Variants in WDR19 observed in about 807,000 individuals in gnomAD.
The protein encoded by WDR19 is WD repeat domain 19.
Under a neutral mutation model 180.0 loss-of-function variants are expected in WDR19, and 121 were observed. The observed-to-expected ratio is 0.67, with a 90% CI of 0.58 to 0.78. WDR19 has a LOEUF of 0.78. Among genes scored for constraint, WDR19 ranks in the 30% least tolerant of loss-of-function variants. The pLI is 0.00. For synonymous variants in WDR19, 497 were observed against 540.7 expected (o/e 0.92, Z 1.12); for missense variants, 1,450 against 1,640.7 (o/e 0.88, Z 2.01).
intron 1 of WDR19, among the ~76,000 whole-genome samples, chr4:39,184,411 A>T (rs949625585): frequency 2.0e-5 from 3 of 149,932 alleles, no homozygotes; most frequent in African/African-American, 4.9e-5. Context: ...GACGCTGTCT[A>T]AAAAAAAATA....
At chr4:39,266,405 T>C (rs954550516) in intron 29 of WDR19, among the ~76,000 whole-genome samples, 1 of 152,184 alleles carries the variant, frequency 6.6e-6, no homozygotes, top group African/African-American at 2.4e-5. Context: ...AAAAAACTCA[T>C]AATGTTTTAA....
rs149115075 is a variant in WDR19 at position 39,261,057 on chromosome 4, G to C, written c.3183+3503G>C. ...CGCACAGGCTGGAGTGCAGTGGCAC[G>C]ATCTTGGCTCACTGCAAACTCCACC... On this transcript the variant is annotated intron_variant, in intron 28 of 36. Coordinates refer to ENST00000399820, the MANE Select transcript of WDR19 (RefSeq NM_025132.4). 3.4e-3 allele frequency among the ~76,000 whole-genome samples: 510 copies of C among 151,690 alleles called. 2 individuals carry two copies. The highest frequency in any genetic ancestry group is 0.012 in the African/African-American group (480 of 41,364).
In WDR19 at chr4:39,228,565, C is replaced by T. The variant is rs746781982; in HGVS notation, c.1857C>T (p.Thr619=). The T allele has an allele frequency of 3.7e-6, 6 of 1,613,910 alleles. No homozygotes were observed. Among genetic ancestry groups the T allele is most frequent in the African/African-American group, 1.3e-5 (1 of 75,036 alleles). Residue 619 remains threonine (T), a synonymous_variant, in exon 17 of 37, where the codon ACC becomes ACT. Coordinates refer to ENST00000399820, the MANE Select transcript of WDR19 (RefSeq NM_025132.4). The part of the protein sequence containing the change: ...KPLLLYNGEL[T]CQTQSGKVNN... ...TGCTGCTATATAATGGAGAGCTGAC[C>T]TGCCAAACACAGAGTGGAAAAGTAA...
chr4:39,248,923 C>G (rs1732825051), intron 24 of WDR19, among the ~76,000 whole-genome samples: 1 of 152,186 alleles, frequency 6.6e-6, no homozygotes, highest in Non-Finnish European at 1.5e-5. Context: ...TAACACCCCA[C>G]TGTCAACATT....
chr4:39,236,426 A>T (rs1731385791), intron 20 of WDR19, among the ~76,000 whole-genome samples: 1 of 152,164 alleles, frequency 6.6e-6, no homozygotes. Context: ...TCTCACTCAT[A>T]AGTGGGAGCT....
chr4:39,228,806 T>A (rs1328522620), intron 17 of WDR19, 116 bp downstream of exon 17: 13 of 999,078 alleles, frequency 1.3e-5, no homozygotes, highest in Non-Finnish European at 1.5e-5. Flanking sequence ...TTGCAAGAAT[T>A]TTTTTTTTTT....
At chr4:39,284,062 T>C (rs1736871309) in intron 36 of WDR19, among the ~76,000 whole-genome samples, 1 of 152,174 alleles carries the variant, frequency 6.6e-6, no homozygotes, top group African/African-American at 2.4e-5. Flanking sequence ...TTTTAAATTT[T>C]TTTAACTTGG....
Position 39,214,600 on chromosome 4 carries a change from G to A in WDR19, c.891-1G>A, listed in dbSNP as rs1255203893. On this transcript the variant is annotated splice_acceptor_variant, in intron 9 of 36. Coordinates refer to ENST00000399820, the MANE Select transcript of WDR19 (RefSeq NM_025132.4). LOFTEE classifies it high-confidence loss of function. ...TTTAATAATGCATTTTTGTTTTTCA[G>A]CATTAAAATCCAAGACTTGGTTGAC... 17 of 1,530,442 alleles carry A rather than the reference G, an allele frequency of 1.1e-5. No homozygotes were observed. Among genetic ancestry groups the A allele is most frequent in the Non-Finnish European group, 1.4e-5 (16 of 1,121,738 alleles). 94.8% of individuals were successfully genotyped at this position (1,530,442 alleles called of 1,614,324 possible).
chr4:39,244,290 A>G lies in WDR19; in HGVS notation c.2464A>G (p.Ile822Val), dbSNP rs138364911. The change falls in exon 22 of 37, where the codon ATA (isoleucine) becomes GTA (valine). Residue 822 changes from isoleucine to valine, a missense_variant. Physicochemically the swap from Ile to Val is conservative, Grantham distance 29 (BLOSUM62 3). Transcript: ENST00000399820. Reference protein sequence around the residue: ...ACLAGVAQMSIRMGDIRRGVN... With the variant: ...ACLAGVAQMSVRMGDIRRGVN... ...TCTGGCTGGAGTGGCCCAGATGTCC[A>G]TAAGAATGGGAGACATACGTCGAGG... 146 of 1,613,926 alleles carry G rather than the reference A, an allele frequency of 9.0e-5. No homozygotes were observed. In the East Asian group the frequency reaches 1.8e-3, roughly 20 times the overall value.
intron 24 of WDR19, among the ~76,000 whole-genome samples, chr4:39,247,713 G>A (rs1732684077): frequency 6.6e-6 from 1 of 152,216 alleles, no homozygotes; most frequent in African/African-American, 2.4e-5. Context: ...GAATCCACAA[G>A]CCTCAGTAAC....
At chr4:39,231,128 G>A (rs970752519) in intron 17 of WDR19, among the ~76,000 whole-genome samples, 8 of 151,940 alleles carry the variant, frequency 5.3e-5, no homozygotes, top group South Asian at 4.2e-4. Context: ...TGGCTAACAC[G>A]ATGAAACCCT....
rs1735959977 is a variant in WDR19, at chr4:39,276,932, T to C, written c.3717-88T>C. On this transcript the variant is annotated intron_variant, in intron 33 of 36. Transcript: ENST00000399820. Reference sequence around the variant, plus strand: ...GACTATGAAGTAGGTGTGTCATATGTCCCTGGTTTTCCAAATATGCTTTCT... The same window carrying C: ...GACTATGAAGTAGGTGTGTCATATGCCCCTGGTTTTCCAAATATGCTTTCT... 3 of 1,537,308 alleles carry C rather than the reference T, an allele frequency of 2.0e-6. No homozygotes were observed. The East Asian group carries it at 6.9e-5, about 35-fold the overall frequency.
chr4:39,269,845 G>T lies in WDR19; in HGVS notation c.3359-131G>T. 6 of 1,209,194 alleles carry T rather than the reference G, an allele frequency of 5.0e-6. No homozygotes were observed. The South Asian group carries it at 6.3e-5, about 13-fold the overall frequency. 74.9% of individuals were successfully genotyped at this position (1,209,194 alleles called of 1,614,324 possible). Reference sequence around the variant, plus strand: ...AGATAAATAGGAAATCTGCTGAGTTGCTTTGAATAAGACATTATTAAGAGA... The same window carrying T: ...AGATAAATAGGAAATCTGCTGAGTTTCTTTGAATAAGACATTATTAAGAGA... On this transcript the variant is annotated intron_variant, in intron 30 of 36. Transcript: ENST00000399820.
intron 19 of WDR19, among the ~76,000 whole-genome samples, chr4:39,233,417 T>G (rs926506016): frequency 6.6e-6 from 1 of 152,214 alleles, no homozygotes; most frequent in African/African-American, 2.4e-5. Flanking sequence ...AGATCCTATT[T>G]CTTTAAAGTA....
intron 5 of WDR19, among the ~76,000 whole-genome samples, chr4:39,195,373 A>G (rs1726626055): frequency 7.6e-6 from 1 of 131,454 alleles, no homozygotes. Context: ...TCTCAAAAAA[A>G]AAAAACAAAA....
At chr4:39,194,219 G>A (rs1484433226) in intron 4 of WDR19, among the ~76,000 whole-genome samples, 4 of 152,096 alleles carry the variant, frequency 2.6e-5, no homozygotes, top group Non-Finnish European at 5.9e-5. Flanking sequence ...TAATATTTTT[G>A]TAATCACATT....
chr4:39,236,454 G>A (rs1731388402), intron 20 of WDR19, among the ~76,000 whole-genome samples: 4 of 152,142 alleles, frequency 2.6e-5, no homozygotes, highest in Admixed American at 2.6e-4. Context: ...GGGTACACAA[G>A]GACATACAGA....
At chr4:39,251,721 A>C (rs1401042743) in intron 24 of WDR19, among the ~76,000 whole-genome samples, 1 of 152,162 alleles carries the variant, frequency 6.6e-6, no homozygotes, top group Non-Finnish European at 1.5e-5. Flanking sequence ...ACTTCTCAAA[A>C]GAAGACATTT....
At chr4:39,273,287 A>G in intron 32 of WDR19, 2 of 504,882 alleles carry the variant, frequency 4.0e-6, no homozygotes, top group Non-Finnish European at 6.9e-6. Flanking sequence ...GAGATTTATC[A>G]CAGCAAAAGG....
Sources: allele counts gnomAD v4.1 joint callset (sites outside exome capture counted in the v4.1 genomes callset), GRCh38; gene constraint gnomAD v4.1.1; transcripts MANE v1.5; gene names NCBI Gene and HGNC (gene_info 2026-07-23, HGNC 2026-07-21).